The following HDAC9 variants were observed in gnomAD, a reference collection of about 807,000 sequenced individuals.
HDAC9 encodes the protein MEF-2 interacting transcription repressor (MITR) protein.
In HDAC9, 41 loss-of-function variants were observed where a neutral mutation model predicts 139.4. The ratio of observed to expected loss-of-function variants is 0.29; its 90% CI spans 0.23 to 0.38. HDAC9 has a LOEUF of 0.38. HDAC9 is among the 10% of genes least tolerant of loss of function. The probability of loss-of-function intolerance (pLI) is 1.00; values close to 1 mark genes in which losing one functional copy is unlikely to be tolerated. For missense variants in HDAC9, 1,147 were observed against 1,297.0 expected (o/e 0.88, Z 1.78); for synonymous variants, 517 against 476.2 (o/e 1.09, Z -1.12).
At chr7:18,181,787 A>G (rs944184289) in intron 2 of HDAC9, among the ~76,000 whole-genome samples, 25 of 152,156 alleles carry the variant, frequency 1.6e-4, no homozygotes, top group African/African-American at 6.0e-4. Flanking sequence ...AGATTCTTAC[A>G]TGCTGAGGGC....
At chr7:18,957,356 A>C (rs1390623851) in intron 24 of HDAC9, among the ~76,000 whole-genome samples, 1 of 152,124 alleles carries the variant, frequency 6.6e-6, no homozygotes, top group African/African-American at 2.4e-5. Flanking sequence ...AGAGTCTTAA[A>C]CTTCATAATG....
chr7:18,759,627 T>C (rs1340853842), intron 14 of HDAC9, among the ~76,000 whole-genome samples: 2 of 152,204 alleles, frequency 1.3e-5, no homozygotes, highest in Non-Finnish European at 2.9e-5. Context: ...AAATGTAATG[T>C]GCTTGAATCA....
chr7:18,872,552 T>C (rs561117454), intron 21 of HDAC9, among the ~76,000 whole-genome samples: 1 of 152,270 alleles, frequency 6.6e-6, no homozygotes, highest in South Asian at 2.1e-4. Context: ...AGCTGACTGT[T>C]GGTATTTTCT....
chr7:18,863,983 A>T (rs139037485), intron 21 of HDAC9, among the ~76,000 whole-genome samples: 32 of 152,306 alleles, frequency 2.1e-4, no homozygotes, highest in African/African-American at 7.7e-4. Context: ...TTTTGGATAA[A>T]CATCCAGAAG....
At chr7:18,429,200 C>G (rs1790405363) in intron 1 of HDAC9, 1 of 152,278 alleles carries the variant, frequency 6.6e-6, no homozygotes, top group Admixed American at 6.5e-5. Context: ...CTGCTGTATT[C>G]CTAGCGCCTA....
At chr7:18,835,428 A>T (rs1796166585) in intron 19 of HDAC9, 39 bp from the exon 20 acceptor site, 1 of 1,588,922 alleles carries the variant, frequency 6.3e-7, no homozygotes, top group Non-Finnish European at 8.6e-7. Flanking sequence ...ACAAAGTTAG[A>T]CATGACTGTA....
rs73322171 is a variant in HDAC9, at chr7:18,935,132, A to T, written c.2804-677A>T. Among the ~76,000 whole-genome samples the T allele has an allele frequency of 5.2e-3, 791 of 152,316 alleles. 8 individuals carry two copies. The highest frequency in any genetic ancestry group is 0.018 in the African/African-American group (754 of 41,572). On this transcript the variant is annotated intron_variant, in intron 22 of 25. Transcript: ENST00000686413. ...CTCAGGATCCTGATCTCCCACAAGG[A>T]GGAGGATAGCTACTGTCAGAGAAAG...
At position 18,351,049 on chromosome 7, in the gene HDAC9, A is replaced by G. The variant is rs189821895; in HGVS notation, c.-42+60534A>G. 3.9e-5 allele frequency among the ~76,000 whole-genome samples: 6 copies of G among 152,308 alleles called. No homozygotes were observed. The East Asian group carries it at 1.2e-3, about 29-fold the overall frequency. The stretch of plus-strand genomic sequence containing the variant: ...TGACGGAGCCTCTGTGATTGAATCA[A>G]AGTCTCCTCTTAACTCCTTTTTTTC... On this transcript the variant is annotated intron_variant, in intron 1 of 3. Transcript: ENST00000413509.
At chr7:18,313,238 G>GT (rs1799432183) in intron 1 of HDAC9, among the ~76,000 whole-genome samples, 3 of 152,092 alleles carry the variant, frequency 2.0e-5, no homozygotes, top group Admixed American at 2.0e-4. Flanking sequence ...AAATAGACCA[G>GT]TAAAGCAATC....
At chr7:18,736,719 G>T (rs565855614) in intron 13 of HDAC9, among the ~76,000 whole-genome samples, 1 of 152,286 alleles carries the variant, frequency 6.6e-6, no homozygotes, top group South Asian at 2.1e-4. Context: ...TCTCTGCCAG[G>T]CTTTGGTATC....
intron 1 of HDAC9, among the ~76,000 whole-genome samples, chr7:18,341,056 A>G (rs1314799527): frequency 6.6e-6 from 1 of 151,374 alleles, no homozygotes; most frequent in African/African-American, 2.4e-5. Flanking sequence ...CTTGGTTACA[A>G]TGTTTCTGAC....
chr7:18,753,223 G>T (rs576636510), intron 14 of HDAC9, among the ~76,000 whole-genome samples: 1 of 152,168 alleles, frequency 6.6e-6, no homozygotes, highest in African/African-American at 2.4e-5. Context: ...AAGGGGTTTT[G>T]AGTCATTCAT....
intron 2 of HDAC9, among the ~76,000 whole-genome samples, chr7:18,264,442 G>A (rs6975477): frequency 0.69 from 105,560 of 151,986 alleles, 37,264 homozygotes; most frequent in South Asian, 0.85. Flanking sequence ...GAACAAAGCA[G>A]GGTAAACATA....
At chr7:18,895,087 A>G (rs935645456) in intron 22 of HDAC9, among the ~76,000 whole-genome samples, 1 of 152,154 alleles carries the variant, frequency 6.6e-6, no homozygotes, top group Non-Finnish European at 1.5e-5. Context: ...GGAGTGAAAA[A>G]GGGGATCTAC....
At chr7:18,222,581 A>G (rs575160370) in intron 2 of HDAC9, among the ~76,000 whole-genome samples, 71 of 152,216 alleles carry the variant, frequency 4.7e-4, no homozygotes, top group African/African-American at 1.7e-3. Context: ...CCATAATCTT[A>G]CCCCCTACAG....
chr7:18,568,044 A>G (rs930508934), intron 2 of HDAC9, among the ~76,000 whole-genome samples: 3 of 146,616 alleles, frequency 2.0e-5, no homozygotes, highest in African/African-American at 5.0e-5. Flanking sequence ...ATATATATAT[A>G]TATATATATG....
intron 2 of HDAC9, among the ~76,000 whole-genome samples, chr7:18,244,059 G>A (rs1794363134): frequency 6.6e-6 from 1 of 152,220 alleles, no homozygotes; most frequent in Non-Finnish European, 1.5e-5. Flanking sequence ...AGCCCAGCAT[G>A]ACAGTAAGGC....
intron 6 of HDAC9, among the ~76,000 whole-genome samples, chr7:18,623,869 G>T (rs1447592111): frequency 6.6e-6 from 1 of 152,108 alleles, no homozygotes; most frequent in African/African-American, 2.4e-5. Flanking sequence ...AACCCAGGAG[G>T]GGGAGGTTAC....
Position 18,793,441 on chromosome 7 carries a change from G to C in HDAC9, c.2311G>C (p.Gly771Arg). Reference sequence around the variant, plus strand: ...CGAGCTGGCTTCCAAAGTGGCCTCAGGAGAGCTGAAGGTGAGGTCCGGGTT... The same window carrying C: ...CGAGCTGGCTTCCAAAGTGGCCTCACGAGAGCTGAAGGTGAGGTCCGGGTT... ...VIELASKVAS[G>R]ELKNGFAVVR... Residue 771 changes from glycine to arginine, a missense_variant, in exon 17 of 26, where the codon GGA becomes CGA. Physicochemically the swap from Gly to Arg is moderately radical, Grantham distance 125. This residue lies in a region of HDAC9 where 407 missense variants were observed against 521.5 expected (regional missense o/e 0.78). Transcript: ENST00000686413. 1 of 1,574,962 alleles carries C rather than the reference G, an allele frequency of 6.3e-7. No individual in the cohort carries two copies. The highest frequency in any genetic ancestry group is 8.6e-7 in the Non-Finnish European group (1 of 1,159,530).
Sources: gnomAD v4.1 joint callset for allele counts (sites outside exome capture counted in the v4.1 genomes callset) on GRCh38, gnomAD v4.1.1 for gene constraint, gnomAD v4.1.1 regional missense constraint, MANE v1.5 for transcripts, NCBI Gene and HGNC (gene_info 2026-07-23, HGNC 2026-07-21) for gene names.